The following CPA6 variants were observed in gnomAD, a reference collection of about 807,000 sequenced individuals.
CPA6 encodes the protein carboxypeptidase B.
A neutral mutation model predicts 63.3 loss-of-function variants in CPA6; 58 were observed. The observed-to-expected ratio is 0.92, with a 90% CI of 0.74 to 1.14. CPA6 has a LOEUF of 1.14. Among genes scored for constraint, CPA6 ranks in the 50% most tolerant of loss-of-function variants. The pLI is 0.00. For synonymous variants in CPA6, 185 were observed against 179.0 expected (o/e 1.03, Z -0.27); for missense variants, 565 against 526.6 (o/e 1.07, Z -0.71).
intron 2 of CPA6, among the ~76,000 whole-genome samples, chr8:67,587,059 A>T (rs761513506): frequency 3.0e-4 from 46 of 152,386 alleles, no homozygotes; most frequent in Non-Finnish European, 2.1e-4. Context: ...AGCAAATACT[A>T]GGAGGATAAT....
In CPA6 at chr8:67,547,724, G is replaced by A. The variant is rs151131796; in HGVS notation, c.193-29677C>T. Reference sequence around the variant, plus strand: ...TGCCTAGGGTGGTCTTGAACTCCTGGGCTCATGCAATCCTCCCCCTCAGCC... The same window carrying A: ...TGCCTAGGGTGGTCTTGAACTCCTGAGCTCATGCAATCCTCCCCCTCAGCC... On this transcript the variant is annotated intron_variant, in intron 2 of 10. Coordinates refer to ENST00000297770, the MANE Select transcript of CPA6 (RefSeq NM_020361.5). Among the ~76,000 whole-genome samples the A allele has an allele frequency of 9.5e-4, 144 of 152,012 alleles. 1 individual carries two copies. Among genetic ancestry groups the A allele is most frequent in the African/African-American group, 3.3e-3 (136 of 41,456 alleles).
chr8:67,590,204 A>G (rs976237359), intron 2 of CPA6, among the ~76,000 whole-genome samples: 1 of 151,954 alleles, frequency 6.6e-6, no homozygotes, highest in African/African-American at 2.4e-5. Context: ...CCATGTCCCT[A>G]CAAAGGACAT....
intron 8 of CPA6, among the ~76,000 whole-genome samples, chr8:67,457,492 C>G (rs1810702084): frequency 1.3e-5 from 2 of 152,104 alleles, no homozygotes; most frequent in South Asian, 4.1e-4. Flanking sequence ...CCTCTTTCCT[C>G]CAGTCAGTCA....
intron 1 of CPA6, among the ~76,000 whole-genome samples, chr8:67,707,294 A>G (rs533095965): frequency 1.1e-3 from 172 of 152,364 alleles, no homozygotes; most frequent in African/African-American, 4.0e-3. Flanking sequence ...CATGGACTGA[A>G]CTAAGAGAAG....
intron 1 of CPA6, among the ~76,000 whole-genome samples, chr8:67,707,222 T>C (rs1817155784): frequency 6.6e-6 from 1 of 152,188 alleles, no homozygotes; most frequent in Non-Finnish European, 1.5e-5. Flanking sequence ...GTGAAAAAAC[T>C]TTCAGGACCC....
At chr8:67,730,998 C>T (rs1045915255) in intron 1 of CPA6, among the ~76,000 whole-genome samples, 1 of 152,206 alleles carries the variant, frequency 6.6e-6, no homozygotes, top group Non-Finnish European at 1.5e-5. Context: ...CCTGCTATTA[C>T]AGAAATGAGA....
At chr8:67,528,998 C>T (rs1248051637) in intron 2 of CPA6, among the ~76,000 whole-genome samples, 1 of 150,826 alleles carries the variant, frequency 6.6e-6, no homozygotes, top group Non-Finnish European at 1.5e-5. Flanking sequence ...TGCAATAATC[C>T]TTTTCAATAG....
At chr8:67,518,962 G>A (rs1587515319) in intron 2 of CPA6, among the ~76,000 whole-genome samples, 1 of 152,114 alleles carries the variant, frequency 6.6e-6, no homozygotes, top group African/African-American at 2.4e-5. Context: ...TAGAGCACCT[G>A]GTGCTTCTTT....
chr8:67,576,679 G>A (rs578078824), intron 2 of CPA6, among the ~76,000 whole-genome samples: 1 of 152,076 alleles, frequency 6.6e-6, no homozygotes, highest in South Asian at 2.1e-4. Flanking sequence ...CTACAGAGTG[G>A]CTTCTGACTT....
At chr8:67,713,421 T>G (rs1422524388) in intron 1 of CPA6, among the ~76,000 whole-genome samples, 1 of 152,056 alleles carries the variant, frequency 6.6e-6, no homozygotes, top group African/African-American at 2.4e-5. Flanking sequence ...GTAGTGTGTC[T>G]GCATGGATAC....
At chr8:67,681,646 C>T (rs1244734632) in intron 1 of CPA6, among the ~76,000 whole-genome samples, 1 of 152,146 alleles carries the variant, frequency 6.6e-6, no homozygotes, top group Non-Finnish European at 1.5e-5. Flanking sequence ...ATATTCAGCA[C>T]CATTTGTTGA....
chr8:67,698,244 T>C (rs1462792814), intron 1 of CPA6, among the ~76,000 whole-genome samples: 2 of 152,134 alleles, frequency 1.3e-5, no homozygotes, highest in African/African-American at 4.8e-5. Context: ...TGCATAAAAA[T>C]AACCTGATAT....
At chr8:67,732,573 GGTTA>G (rs1587736270) in intron 1 of CPA6, 1 of 152,370 alleles carries the variant, frequency 6.6e-6, no homozygotes, top group East Asian at 1.9e-4. Flanking sequence ...AGCCGCACGT[GGTTA>G]GTGTTATAAA....
At chr8:67,574,313 T>C (rs892364314) in intron 2 of CPA6, among the ~76,000 whole-genome samples, 2 of 149,702 alleles carry the variant, frequency 1.3e-5, no homozygotes, top group African/African-American at 4.9e-5. Flanking sequence ...GAGGTGGAGG[T>C]TGCAGTGAGC....
intron 2 of CPA6, among the ~76,000 whole-genome samples, chr8:67,582,525 G>A (rs943472135): frequency 2.0e-5 from 3 of 152,194 alleles, no homozygotes; most frequent in Non-Finnish European, 4.4e-5. Context: ...AGGCAGTTGA[G>A]GTGTCTGATG....
At chr8:67,430,171 G>GTGTGTGTGTATA (rs1225024769) in intron 9 of CPA6, among the ~76,000 whole-genome samples, 23 of 104,884 alleles carry the variant, frequency 2.2e-4, no homozygotes, top group African/African-American at 9.2e-4. Context: ...GTGTGTGTGT[G>GTGTGTGTGTATA]TATATATTTT....
In CPA6 at chr8:67,517,993, C is replaced by T. The variant is rs868235603; in HGVS notation, c.247G>A (p.Asp83Asn). 2 of 1,613,026 alleles carry T rather than the reference C, an allele frequency of 1.2e-6. No homozygotes were observed. The highest frequency in any genetic ancestry group is 1.7e-6 in the Non-Finnish European group (2 of 1,179,654). Residue 83 changes from aspartate (D) to asparagine (N), a missense_variant, in exon 3 of 11, where the codon GAT becomes AAT. Physicochemically the swap from Asp to Asn is conservative, Grantham distance 23. Coordinates refer to ENST00000297770, the MANE Select transcript of CPA6 (RefSeq NM_020361.5). ...GAACCATTTTGGGGGATATGGACAT[C>T]AGTAACTGTTCCCTCTGATACATAG... ...ISYVSEGTVT[D>N]VHIPQNGSRA...
intron 2 of CPA6, among the ~76,000 whole-genome samples, chr8:67,532,666 C>T (rs1812502867): frequency 6.6e-6 from 1 of 152,006 alleles, no homozygotes; most frequent in African/African-American, 2.4e-5. Context: ...GACCCTGTGT[C>T]AACAAACAAA....
chr8:67,630,173 A>G (rs1815291921), intron 1 of CPA6, among the ~76,000 whole-genome samples: 1 of 151,016 alleles, frequency 6.6e-6, no homozygotes, highest in African/African-American at 2.4e-5. Flanking sequence ...TTTCCAACCC[A>G]CTTATTCTAG....
Sources: allele counts gnomAD v4.1 joint callset (sites outside exome capture counted in the v4.1 genomes callset), GRCh38; gene constraint gnomAD v4.1.1; transcripts MANE v1.5; gene names NCBI Gene and HGNC (gene_info 2026-07-23, HGNC 2026-07-21).